CCNJL: variants seen among roughly 807,000 people sequenced by gnomAD.
CCNJL encodes the protein cyclin J like, also known as cyclin-J-like protein.
Under a neutral mutation model 33.4 loss-of-function variants are expected in CCNJL, and 33 were observed. The ratio of observed to expected loss-of-function variants is 0.99; its 90% CI spans 0.75 to 1.32. CCNJL has a LOEUF of 1.32. Among genes scored for constraint, CCNJL ranks in the 40% most tolerant of loss-of-function variants. The probability of loss-of-function intolerance (pLI) is 0.00; values close to 1 mark genes in which losing one functional copy is unlikely to be tolerated. For synonymous variants in CCNJL, 227 were observed against 220.9 expected (o/e 1.03, Z -0.24); for missense variants, 512 against 499.7 (o/e 1.02, Z -0.23).
At chr5:160,311,126 C>G (rs1251534624) in intron 2 of CCNJL, among the ~76,000 whole-genome samples, 1 of 152,162 alleles carries the variant, frequency 6.6e-6, no homozygotes, top group Non-Finnish European at 1.5e-5. Context: ...ACTCTTCCAC[C>G]TTCCCAATGC....
At chr5:160,265,797 G>A (rs80160024) in intron 3 of CCNJL, among the ~76,000 whole-genome samples, 2 of 151,136 alleles carry the variant, frequency 1.3e-5, no homozygotes, top group African/African-American at 4.9e-5. Flanking sequence ...AGGTTGCCAT[G>A]AGCCAAGATC....
At chr5:160,304,818 C>CT (rs1341999702) in intron 2 of CCNJL, among the ~76,000 whole-genome samples, 1 of 125,030 alleles carries the variant, frequency 8.0e-6, no homozygotes, top group Admixed American at 7.7e-5. Context: ...TCACTACTTT[C>CT]TTTCTTTTTT....
intron 3 of CCNJL, among the ~76,000 whole-genome samples, chr5:160,279,311 C>G (rs1468592334): frequency 6.6e-6 from 1 of 152,160 alleles, no homozygotes; most frequent in Admixed American, 6.5e-5. Context: ...GATAAAATAC[C>G]AGATGTCAAA....
At chr5:160,314,678 GAC>G (rs1387797583), upstream of CCNJL, among the ~76,000 whole-genome samples, 3 of 152,214 alleles carry the variant, frequency 2.0e-5, no homozygotes, top group Non-Finnish European at 2.9e-5. Flanking sequence ...TAACAAATGT[GAC>G]AAAAGGTTGA....
chr5:160,289,015 T>G (rs1031491931), intron 2 of CCNJL, among the ~76,000 whole-genome samples: 2 of 152,142 alleles, frequency 1.3e-5, no homozygotes, highest in African/African-American at 4.8e-5. Flanking sequence ...GGAAACAATG[T>G]CTGCAATGGC....
At chr5:160,314,199 G>A (rs1025116150), upstream of CCNJL, among the ~76,000 whole-genome samples, 2 of 152,112 alleles carry the variant, frequency 1.3e-5, no homozygotes, top group Non-Finnish European at 1.5e-5. Flanking sequence ...AAACTGGGGG[G>A]ACAGACCTGT....
At chr5:160,324,684 T>C (rs1763513877) in intron 1 of CCNJL, among the ~76,000 whole-genome samples, 1 of 150,064 alleles carries the variant, frequency 6.7e-6, no homozygotes, top group African/African-American at 2.5e-5. Context: ...CTCAAATTGA[T>C]TATGAAATTG....
intron 3 of CCNJL, among the ~76,000 whole-genome samples, chr5:160,264,503 C>T (rs1487911832): frequency 6.6e-6 from 1 of 150,792 alleles, no homozygotes; most frequent in Middle Eastern, 3.2e-3. Context: ...CAGATGAGGC[C>T]GTGGTGGCAA....
intron 4 of CCNJL, among the ~76,000 whole-genome samples, chr5:160,257,469 C>T (rs760555651): frequency 4.0e-5 from 6 of 151,128 alleles, no homozygotes; most frequent in East Asian, 1.9e-4. Context: ...AGCAAGCCTC[C>T]GTCTCAAAAA....
intron 2 of CCNJL, among the ~76,000 whole-genome samples, chr5:160,283,921 A>G (rs1302517309): frequency 3.3e-5 from 5 of 152,208 alleles, no homozygotes. Context: ...AATGATCTCC[A>G]GTTCCATCCA....
At chr5:160,260,841 G>A (rs1471754423) in intron 3 of CCNJL, among the ~76,000 whole-genome samples, 1 of 152,078 alleles carries the variant, frequency 6.6e-6, no homozygotes, top group Non-Finnish European at 1.5e-5. Flanking sequence ...TTCACCTGGA[G>A]TCCCTGCCTC....
chr5:160,303,437 C>T (rs923657121), intron 2 of CCNJL, among the ~76,000 whole-genome samples: 5 of 151,768 alleles, frequency 3.3e-5, no homozygotes, highest in African/African-American at 1.2e-4. Flanking sequence ...AACTCCTGAT[C>T]TCAAGTGAGC....
upstream of CCNJL, among the ~76,000 whole-genome samples, chr5:160,315,760 T>G (rs6869505): frequency 5.4e-3 from 829 of 152,286 alleles, 1 homozygote; most frequent in Non-Finnish European, 8.4e-3. Context: ...AGAGTGAATG[T>G]TACTTTAAAA....
intron 1 of CCNJL, chr5:160,339,377 A>C (rs1763722822): frequency 2.7e-6 from 1 of 365,610 alleles, no homozygotes; most frequent in South Asian, 2.1e-5. Context: ...AAAAACAAAA[A>C]AAAACGCCAA....
intron 1 of CCNJL, among the ~76,000 whole-genome samples, chr5:160,318,471 G>A (rs926907778): frequency 2.0e-5 from 3 of 152,220 alleles, no homozygotes; most frequent in African/African-American, 7.2e-5. Flanking sequence ...ATCTTTTGTG[G>A]AGGTACACCA....
At chr5:160,258,692 C>G in intron 4 of CCNJL, 1 of 786,104 alleles carries the variant, frequency 1.3e-6, no homozygotes, top group South Asian at 1.4e-5. Flanking sequence ...AAATAAATAT[C>G]TATTGTAAAA....
At chr5:160,284,114 G>A (rs1237374982) in intron 2 of CCNJL, among the ~76,000 whole-genome samples, 1 of 152,188 alleles carries the variant, frequency 6.6e-6, no homozygotes, top group Non-Finnish European at 1.5e-5. Context: ...CACTTTGGGA[G>A]GCTGAGGCGG....
chr5:160,314,355 C>G (rs943965180), upstream of CCNJL, among the ~76,000 whole-genome samples: 3 of 152,138 alleles, frequency 2.0e-5, no homozygotes, highest in African/African-American at 7.2e-5. Flanking sequence ...ATAAATGTGG[C>G]ATTTCACTTT....
At chr5:160,329,404 G>C (rs1194119466) in intron 1 of CCNJL, among the ~76,000 whole-genome samples, 2 of 148,886 alleles carry the variant, frequency 1.3e-5, no homozygotes, top group African/African-American at 5.0e-5. Flanking sequence ...AAGCTGGAGT[G>C]CAGCGGCATG....
Sources: gnomAD v4.1 joint callset for allele counts (sites outside exome capture counted in the v4.1 genomes callset) on GRCh38, gnomAD v4.1.1 for gene constraint, MANE v1.5 for transcripts, NCBI Gene and HGNC (gene_info 2026-07-23, HGNC 2026-07-21) for gene names.